MICAL2: variants seen among roughly 807,000 people sequenced by gnomAD.
MICAL2 encodes [F-actin]-monooxygenase MICAL2.
Under a neutral mutation model 127.3 loss-of-function variants are expected in MICAL2, and 77 were observed. The ratio of observed to expected loss-of-function variants is 0.60; its 90% CI spans 0.50 to 0.73. MICAL2 has a LOEUF of 0.73. Ranked by LOEUF, MICAL2 falls within the 30% of genes least tolerant of loss-of-function variation. MICAL2 has a pLI of 0.00. For missense variants in MICAL2, 1,351 were observed against 1,434.4 expected, an observed-to-expected ratio of 0.94 and a Z score of 0.94; for synonymous variants, 570 against 551.1, an observed-to-expected ratio of 1.03 and a Z score of -0.48.
At chr11:12,269,448 T>A (rs1316616400) in intron 24 of MICAL2, among the ~76,000 whole-genome samples, 2 of 152,162 alleles carry the variant, frequency 1.3e-5, no homozygotes, top group East Asian at 3.9e-4. Flanking sequence ...GCAAAGAAAT[T>A]CAGCTTCCCT....
chr11:12,326,706 T>C (rs138868669), intron 31 of MICAL2, among the ~76,000 whole-genome samples: 202 of 152,328 alleles, frequency 1.3e-3, no homozygotes, highest in African/African-American at 4.6e-3. Flanking sequence ...CCAGTTCTCT[T>C]GCTCCAGACT....
chr11:12,224,332 CCT>C (rs1857156696), intron 12 of MICAL2: 2 of 231,156 alleles, frequency 8.7e-6, no homozygotes, highest in East Asian at 9.1e-5. Context: ...CCCACAGCCC[CCT>C]GTTTCTCCCT....
At chr11:12,117,226 CT>C (rs1233210009) in intron 1 of MICAL2, among the ~76,000 whole-genome samples, 2 of 152,212 alleles carry the variant, frequency 1.3e-5, no homozygotes, top group African/African-American at 4.8e-5. Context: ...TGCAGATGTT[CT>C]TTCTGCTGGC....
chr11:12,230,921 T>C (rs1021956818), intron 15 of MICAL2, among the ~76,000 whole-genome samples: 1 of 151,826 alleles, frequency 6.6e-6, no homozygotes, highest in Non-Finnish European at 1.5e-5. Context: ...GCTTGGGGAG[T>C]ATATTTTCCT....
chr11:12,334,687 G>A (rs1447705014), intron 32 of MICAL2, among the ~76,000 whole-genome samples: 2 of 144,730 alleles, frequency 1.4e-5, no homozygotes, highest in Admixed American at 1.5e-4. Context: ...TCCCACCTGT[G>A]AGTGAGAACA....
chr11:12,216,224 G>T lies in MICAL2; in HGVS notation c.853G>T (p.Asp285Tyr). 1 of 1,611,450 alleles carries T rather than the reference G, an allele frequency of 6.2e-7. No homozygotes were observed. The highest frequency in any genetic ancestry group is 8.5e-7 in the Non-Finnish European group (1 of 1,177,510). ...GTGAATGCTTCTCTTTTCAGGCATA[G>T]ATCTTGAGAACATTGTTTACTACAA... ...FQDLKEETGIDLENIVYYKDC... is the reference protein window; with the variant it reads ...FQDLKEETGIYLENIVYYKDC... Residue 285 changes from aspartate (D) to tyrosine (Y), a missense_variant, in exon 8 of 28, where the codon GAT (aspartate) becomes TAT (tyrosine). This residue lies in a region of MICAL2 where 599 missense variants were observed against 714.9 expected (regional missense o/e 0.84). Coordinates refer to ENST00000683283, the MANE Select transcript of MICAL2 (RefSeq NM_001282663.2).
chr11:12,255,449 T>C, intron 22 of MICAL2, 194 bp from the exon 23 acceptor site: 1 of 585,712 alleles, frequency 1.7e-6, no homozygotes, highest in Non-Finnish European at 3.1e-6. Flanking sequence ...CACAGGGTTT[T>C]ATTTATTTTC....
At position 12,149,027 on chromosome 11, in the gene MICAL2, A is replaced by G. The variant is rs376790828; in HGVS notation, c.-78+10567A>G. ...AAATGGTGGGTTGGGTTTGGTGACC[A>G]GTCTGCCTGACTCCAGAGTCCAAAC... On this transcript the variant is annotated intron_variant, in intron 2 of 27. Coordinates refer to ENST00000683283, the MANE Select transcript of MICAL2 (RefSeq NM_001282663.2). 1.4e-3 allele frequency among the ~76,000 whole-genome samples: 215 copies of G among 152,314 alleles called. 1 individual carries two copies. Among genetic ancestry groups the G allele is most frequent in the Middle Eastern group, 0.01 (3 of 294 alleles).
In MICAL2 at chr11:12,226,267, G is replaced by A. The variant is rs368265694; in HGVS notation, c.1785G>A (p.Thr595=). 2.5e-6 allele frequency: 4 copies of A among 1,614,222 alleles called. No homozygotes were observed. Among genetic ancestry groups the A allele is most frequent in the African/African-American group, 2.7e-5 (2 of 75,058 alleles). The stretch of plus-strand genomic sequence containing the variant: ...AGTTTGGGATCCCTCCAGTGACCAC[G>A]GGCAAAGAGATGGCATCTGCCCAGG... ...EREFGIPPVT[T]GKEMASAQEP... The change falls in exon 14 of 28, where the codon ACG becomes ACA. Residue 595 remains threonine (T), a synonymous_variant. Coordinates refer to ENST00000683283, the MANE Select transcript of MICAL2 (RefSeq NM_001282663.2).
At chr11:12,299,591 C>A (rs10765940) in intron 29 of MICAL2, among the ~76,000 whole-genome samples, 1 of 152,006 alleles carries the variant, frequency 6.6e-6, no homozygotes, top group African/African-American at 2.4e-5. Flanking sequence ...CTTATAGAAA[C>A]AATTTTAATG....
chr11:12,362,017 G>T (rs1427478844), downstream of MICAL2, among the ~76,000 whole-genome samples: 1 of 152,230 alleles, frequency 6.6e-6, no homozygotes, highest in African/African-American at 2.4e-5. Flanking sequence ...TGAGTAGCTT[G>T]TAAAAGATTA....
upstream of MICAL2, among the ~76,000 whole-genome samples, chr11:12,274,020 A>AGGCTGGGGGCTGGGGGTGAG (rs1314119117): frequency 6.6e-6 from 1 of 152,154 alleles, no homozygotes; most frequent in Non-Finnish European, 1.5e-5. Flanking sequence ...AAGAAAGAGT[A>AGGCTGGGGGCTGGGGGTGAG]GGCTGGGGGC....
chr11:12,205,371 T>A (rs541518199), intron 4 of MICAL2, among the ~76,000 whole-genome samples: 1 of 152,306 alleles, frequency 6.6e-6, no homozygotes, highest in South Asian at 2.1e-4. Flanking sequence ...TTATACATGG[T>A]TTTTTTCAAC....
At chr11:12,226,955 C>A in intron 14 of MICAL2, 70 bp from the exon 15 acceptor site, 1 of 1,262,156 alleles carries the variant, frequency 7.9e-7, no homozygotes, top group Non-Finnish European at 1.2e-6. Flanking sequence ...ACCCAGCCAA[C>A]ACCTCCTTGT....
At position 12,357,818 on chromosome 11, in the gene MICAL2, A is replaced by G. The variant is rs1470490337; in HGVS notation, c.5690-477A>G. Among the ~76,000 whole-genome samples, 28 of 152,150 alleles carry G rather than the reference A, an allele frequency of 1.8e-4. 1 individual carries two copies. Among genetic ancestry groups the G allele is most frequent in the Admixed American group, 1.8e-3 (28 of 15,274 alleles). ...ATGCCACTGCACTCCAGCCTGGGCA[A>G]CAGAGTGAGACTCCATCTCAAAAAA... is the stretch of plus-strand genomic sequence containing the variant. On this transcript the variant is annotated intron_variant, in intron 34 of 34. Transcript: ENST00000646065.
intron 3 of MICAL2, among the ~76,000 whole-genome samples, chr11:12,191,101 C>A (rs958501915): frequency 2.0e-5 from 3 of 152,164 alleles, no homozygotes; most frequent in African/African-American, 7.2e-5. Context: ...AGCTATGAAT[C>A]AGAGACAAGG....
At chr11:12,148,701 C>T (rs563798334) in intron 2 of MICAL2, among the ~76,000 whole-genome samples, 1 of 152,364 alleles carries the variant, frequency 6.6e-6, no homozygotes, top group South Asian at 2.1e-4. Flanking sequence ...GGGCTTGCAG[C>T]CTTCAGCTTC....
intron 21 of MICAL2, 114 bp downstream of exon 21, chr11:12,244,226 G>C (rs1447027764): frequency 1.4e-6 from 2 of 1,444,338 alleles, no homozygotes; most frequent in Non-Finnish European, 1.9e-6. Context: ...ATAAAAATTT[G>C]TAAGATATTT....
At chr11:12,114,622 G>T (rs1331147748) in intron 1 of MICAL2, among the ~76,000 whole-genome samples, 1 of 152,166 alleles carries the variant, frequency 6.6e-6, no homozygotes, top group Non-Finnish European at 1.5e-5. Flanking sequence ...ACACGCAGAG[G>T]CTCCATAAGC....
Sources: allele counts gnomAD v4.1 joint callset (sites outside exome capture counted in the v4.1 genomes callset), GRCh38; gene constraint gnomAD v4.1.1; regional missense constraint gnomAD v4.1.1; transcripts MANE v1.5; gene names NCBI Gene and HGNC (gene_info 2026-07-23, HGNC 2026-07-21).